KCNK13: variants seen among roughly 807,000 people sequenced by gnomAD.
The protein encoded by KCNK13 is potassium channel subfamily K member 13.
A neutral mutation model predicts 23.4 loss-of-function variants in KCNK13; 12 were observed. The ratio of observed to expected loss-of-function variants is 0.51; its 90% CI spans 0.33 to 0.83. The LOEUF (loss-of-function observed/expected upper bound fraction) is 0.83. Among genes scored for constraint, KCNK13 ranks in the 40% least tolerant of loss-of-function variants. KCNK13 has a pLI of 0.02. For synonymous variants in KCNK13, 231 were observed against 229.5 expected (o/e 1.01, Z -0.06); for missense variants, 463 against 556.3 (o/e 0.83, Z 1.69).
chr14:90,163,056 A>G (rs1890267658), intron 1 of KCNK13, among the ~76,000 whole-genome samples: 1 of 152,252 alleles, frequency 6.6e-6, no homozygotes, highest in South Asian at 2.1e-4. Flanking sequence ...TGCTGGAGAA[A>G]CAACATGCAA....
chr14:90,131,421 G>A (rs996397972), intron 1 of KCNK13, among the ~76,000 whole-genome samples: 3 of 152,020 alleles, frequency 2.0e-5, no homozygotes, highest in Non-Finnish European at 4.4e-5. Flanking sequence ...TATTAGAGAC[G>A]GGGTTTCACC....
intron 1 of KCNK13, among the ~76,000 whole-genome samples, chr14:90,075,119 T>C (rs1235326308): frequency 1.3e-5 from 2 of 152,148 alleles, no homozygotes; most frequent in African/African-American, 2.4e-5. Context: ...ATCCTATTTT[T>C]CTTATTTTTT....
chr14:90,173,096 G>A (rs569259962), intron 1 of KCNK13, among the ~76,000 whole-genome samples: 4 of 152,310 alleles, frequency 2.6e-5, no homozygotes, highest in African/African-American at 9.6e-5. Context: ...TCAAATTACC[G>A]TGAAACCTAT....
chr14:90,099,156 C>T (rs1376008475), intron 1 of KCNK13, among the ~76,000 whole-genome samples: 1 of 152,034 alleles, frequency 6.6e-6, no homozygotes, highest in Non-Finnish European at 1.5e-5. Context: ...TCTTCCCAAA[C>T]ACTGTGTGTA....
intron 1 of KCNK13, among the ~76,000 whole-genome samples, chr14:90,066,338 C>G (rs1889009087): frequency 6.6e-6 from 1 of 151,614 alleles, no homozygotes; most frequent in African/African-American, 2.4e-5. Context: ...GAGCTTGGTT[C>G]ACTGCAACGT....
chr14:90,091,926 T>TC (rs1244779289), intron 1 of KCNK13, among the ~76,000 whole-genome samples: 2 of 144,038 alleles, frequency 1.4e-5, no homozygotes, highest in East Asian at 4.2e-4. Context: ...GAAAGAGAAC[T>TC]CCTTTTTTTT....
At chr14:90,091,928 CTTT>C (rs753251792) in intron 1 of KCNK13, among the ~76,000 whole-genome samples, 2 of 135,676 alleles carry the variant, frequency 1.5e-5, no homozygotes, top group Admixed American at 7.4e-5. Flanking sequence ...AAGAGAACTC[CTTT>C]TTTTTTTTTT....
chr14:90,148,688 G>T (rs1414537186), intron 1 of KCNK13, among the ~76,000 whole-genome samples: 2 of 152,188 alleles, frequency 1.3e-5, no homozygotes, highest in African/African-American at 4.8e-5. Context: ...TCAGATTCTG[G>T]CAGTCCCTTG....
intron 1 of KCNK13, among the ~76,000 whole-genome samples, chr14:90,080,404 C>A (rs368256745): frequency 4.6e-5 from 7 of 151,900 alleles, no homozygotes; most frequent in African/African-American, 1.7e-4. Flanking sequence ...TGCAGTGAGC[C>A]GAGATCACTC....
At chr14:90,080,447 C>A (rs1231671659) in intron 1 of KCNK13, among the ~76,000 whole-genome samples, 1 of 151,838 alleles carries the variant, frequency 6.6e-6, no homozygotes, top group African/African-American at 2.4e-5. Flanking sequence ...CAGGGTGAGA[C>A]TCCATCTCAA....
chr14:90,109,297 T>C (rs1889585384), intron 1 of KCNK13, among the ~76,000 whole-genome samples: 1 of 151,578 alleles, frequency 6.6e-6, no homozygotes, highest in Non-Finnish European at 1.5e-5. Flanking sequence ...AAAATACCTA[T>C]AGATGAAAAA....
intron 1 of KCNK13, among the ~76,000 whole-genome samples, chr14:90,069,099 C>T (rs569007521): frequency 5.2e-4 from 73 of 140,930 alleles, no homozygotes; most frequent in African/African-American, 1.8e-3. Flanking sequence ...TGCAGTGGCG[C>T]GATCTTGGCT....
At chr14:90,093,198 A>G (rs909962224) in intron 1 of KCNK13, among the ~76,000 whole-genome samples, 2 of 152,202 alleles carry the variant, frequency 1.3e-5, no homozygotes, top group African/African-American at 4.8e-5. Flanking sequence ...CACAGCCAGC[A>G]GAAAGAGAGG....
intron 1 of KCNK13, among the ~76,000 whole-genome samples, chr14:90,183,352 A>C (rs1890509371): frequency 6.6e-6 from 1 of 152,132 alleles, no homozygotes; most frequent in Non-Finnish European, 1.5e-5. Flanking sequence ...AAATGCCCAT[A>C]ATCCCAGTGC....
At chr14:90,093,976 A>G (rs1184197542) in intron 1 of KCNK13, among the ~76,000 whole-genome samples, 1 of 152,038 alleles carries the variant, frequency 6.6e-6, no homozygotes, top group African/African-American at 2.4e-5. Flanking sequence ...AGGGGGTGCC[A>G]TTTTCCACCT....
intron 1 of KCNK13, among the ~76,000 whole-genome samples, chr14:90,179,335 T>TA (rs397806409): frequency 1.4e-4 from 21 of 151,816 alleles, no homozygotes; most frequent in African/African-American, 3.9e-4. Context: ...TTTTTTTTTT[T>TA]ACCTTAATTG....
intron 1 of KCNK13, among the ~76,000 whole-genome samples, chr14:90,129,886 T>A (rs1157975666): frequency 6.6e-6 from 1 of 152,082 alleles, no homozygotes; most frequent in African/African-American, 2.4e-5. Flanking sequence ...AGTGAACAAT[T>A]CAAATAACTT....
chr14:90,063,038 A>G (rs1170491519), intron 1 of KCNK13, among the ~76,000 whole-genome samples: 1 of 152,158 alleles, frequency 6.6e-6, no homozygotes, highest in African/African-American at 2.4e-5. Flanking sequence ...AGCAGACTGA[A>G]AGTGAGGAAG....
chr14:90,110,310 G>A (rs1339978710), intron 1 of KCNK13, among the ~76,000 whole-genome samples: 8 of 151,922 alleles, frequency 5.3e-5, no homozygotes, highest in African/African-American at 1.9e-4. Flanking sequence ...TCAGAAGTTC[G>A]AGACCAGCCT....
Sources: allele counts gnomAD v4.1 joint callset (sites outside exome capture counted in the v4.1 genomes callset), GRCh38; gene constraint gnomAD v4.1.1; transcripts MANE v1.5; gene names NCBI Gene and HGNC (gene_info 2026-07-23, HGNC 2026-07-21).